Variants in ADAM2 observed in about 807,000 individuals in gnomAD.
The protein encoded by ADAM2 is disintegrin and metalloproteinase domain-containing protein 2.
In ADAM2, 101 loss-of-function variants were observed where a neutral mutation model predicts 99.3. That is an observed-to-expected ratio of 1.02 (90% confidence interval 0.87 to 1.20). ADAM2 has a LOEUF of 1.20. Ranked by LOEUF, ADAM2 falls within the 50% of genes most tolerant of loss-of-function variation. The pLI, the probability that ADAM2 is intolerant of heterozygous loss-of-function variation, is 0.00. For missense variants in ADAM2, 948 were observed against 878.7 expected, an observed-to-expected ratio of 1.08 and a Z score of -1.00; for synonymous variants, 323 against 287.6, an observed-to-expected ratio of 1.12 and a Z score of -1.25.
intron 15 of ADAM2, among the ~76,000 whole-genome samples, chr8:39,760,882 C>CAAAAAAAAAAAAAAAAAAAAAAAAAAA (rs58386097): frequency 1.7e-5 from 1 of 60,182 alleles, no homozygotes; most frequent in Middle Eastern, 0.026. Context: ...GACTCCATCT[C>CAAAAAAAAAAAAAAAAAAAAAAAAAAA]AAAAAAAAAA....
chr8:39,769,955 T>TC (rs1802716306), intron 11 of ADAM2, among the ~76,000 whole-genome samples: 1 of 149,288 alleles, frequency 6.7e-6, no homozygotes, highest in Non-Finnish European at 1.5e-5. Flanking sequence ...TTTTTCTTTT[T>TC]TTTTTTTTTG....
chr8:39,773,570 T>C (rs1802868046), intron 11 of ADAM2, among the ~76,000 whole-genome samples: 1 of 151,448 alleles, frequency 6.6e-6, no homozygotes, highest in South Asian at 2.1e-4. Flanking sequence ...AAAGAGGGCA[T>C]ATCACAAATT....
chr8:39,819,359 A>T (rs1805082800), intron 6 of ADAM2, among the ~76,000 whole-genome samples: 1 of 152,146 alleles, frequency 6.6e-6, no homozygotes, highest in Non-Finnish European at 1.5e-5. Context: ...ATCCAATAAA[A>T]AATATTAAAG....
intron 6 of ADAM2, among the ~76,000 whole-genome samples, chr8:39,813,128 T>C (rs988088844): frequency 3.3e-5 from 5 of 152,174 alleles, no homozygotes; most frequent in Admixed American, 1.3e-4. Flanking sequence ...CAGACACTTC[T>C]CAAAAGAAGA....
intron 3 of ADAM2, among the ~76,000 whole-genome samples, chr8:39,826,153 C>T (rs1805389644): frequency 6.6e-6 from 1 of 152,130 alleles, no homozygotes; most frequent in Non-Finnish European, 1.5e-5. Context: ...CCAAAATGAA[C>T]ACAGCTAGAG....
chr8:39,783,971 A>C (rs1803344836), intron 10 of ADAM2, among the ~76,000 whole-genome samples: 1 of 152,146 alleles, frequency 6.6e-6, no homozygotes, highest in African/African-American at 2.4e-5. Flanking sequence ...AATTAAGTGA[A>C]AAATCATATG....
intron 10 of ADAM2, among the ~76,000 whole-genome samples, chr8:39,781,612 A>G (rs1250500818): frequency 6.6e-6 from 1 of 152,210 alleles, no homozygotes; most frequent in Admixed American, 6.5e-5. Flanking sequence ...ATTCCACAAT[A>G]TGTTTATGAA....
chr8:39,789,555 C>A (rs1414846877), intron 7 of ADAM2, among the ~76,000 whole-genome samples: 1 of 151,724 alleles, frequency 6.6e-6, no homozygotes, highest in Non-Finnish European at 1.5e-5. Context: ...TAACTATAAA[C>A]TACAGTAACC....
chr8:39,787,069 A>G lies in ADAM2; in HGVS notation c.810-14T>C. The G allele has an allele frequency of 6.6e-7, 1 of 1,519,746 alleles. No homozygotes were observed. Among genetic ancestry groups the G allele is most frequent in the Non-Finnish European group, 9.0e-7 (1 of 1,107,160 alleles). The allele number at this position is 1,519,746 out of a possible 1,614,324, so 94.1% of individuals were successfully genotyped here. A position where few individuals can be genotyped will look rare whatever the true frequency, so the allele number is the denominator to read the frequency against. ...TTTTCTCTGTAACTTAAGTTTAAAA[A>G]GGGATCATAATCATATAATTTTGTA... is the stretch of plus-strand genomic sequence containing the variant. On this transcript the variant is annotated splice_polypyrimidine_tract_variant and intron_variant, in intron 9 of 20. Transcript: ENST00000265708.
chr8:39,790,994 C>G (rs976458199), intron 7 of ADAM2, among the ~76,000 whole-genome samples: 1 of 151,514 alleles, frequency 6.6e-6, no homozygotes, highest in African/African-American at 2.4e-5. Context: ...TCCCATGCAT[C>G]TAAACAGTTT....
intron 7 of ADAM2, among the ~76,000 whole-genome samples, chr8:39,796,996 G>T (rs1803988837): frequency 6.6e-6 from 1 of 152,084 alleles, no homozygotes; most frequent in Non-Finnish European, 1.5e-5. Context: ...TACTCCGTAG[G>T]TTGCCTGTTC....
At chr8:39,778,373 T>C (rs1405480283) in intron 10 of ADAM2, among the ~76,000 whole-genome samples, 1 of 152,074 alleles carries the variant, frequency 6.6e-6, no homozygotes, top group African/African-American at 2.4e-5. Context: ...TGATTTTTTC[T>C]AATGGAGAGA....
chr8:39,792,694 C>G (rs1279179002), intron 7 of ADAM2, among the ~76,000 whole-genome samples: 1 of 151,826 alleles, frequency 6.6e-6, no homozygotes, highest in Non-Finnish European at 1.5e-5. Flanking sequence ...AGAAACCATC[C>G]CCAAAGTATT....
At chr8:39,749,233 G>A (rs1287287844) in intron 18 of ADAM2, 79 bp downstream of exon 18, 1 of 1,314,812 alleles carries the variant, frequency 7.6e-7, no homozygotes, top group East Asian at 2.5e-5. Context: ...TAAATTGGTA[G>A]ACAAAATATT....
chr8:39,772,281 T>C (rs1802815428), intron 11 of ADAM2, among the ~76,000 whole-genome samples: 1 of 152,008 alleles, frequency 6.6e-6, no homozygotes, highest in East Asian at 1.9e-4. Context: ...CATGACTTCA[T>C]TGTACAATGT....
intron 15 of ADAM2, among the ~76,000 whole-genome samples, chr8:39,757,416 T>C (rs1204020563): frequency 6.6e-6 from 1 of 152,226 alleles, no homozygotes; most frequent in Non-Finnish European, 1.5e-5. Flanking sequence ...CTTTGTTTAA[T>C]AATTTATGAA....
In ADAM2 at chr8:39,749,311, C is replaced by G. The variant is rs73676913; in HGVS notation, c.2014+1G>C. 7.9e-4 allele frequency: 1,272 copies of G among 1,606,144 alleles called. 9 individuals are homozygous for G. In the African/African-American group the frequency reaches 0.016, roughly 20 times the overall value. ...TTTTCTGATTTATTATTAATACTTA[C>G]CAGGGAGTCTGGCTGGTATAGCTAC... On this transcript the variant is annotated splice_donor_variant, in intron 18 of 20. Transcript: ENST00000265708. LOFTEE classifies it high-confidence loss of function.
At chr8:39,748,049 T>G (rs1823547127) in intron 18 of ADAM2, among the ~76,000 whole-genome samples, 1 of 152,196 alleles carries the variant, frequency 6.6e-6, no homozygotes, top group African/African-American at 2.4e-5. Flanking sequence ...ACACTAGATT[T>G]TGCTCACAAT....
chr8:39,817,182 T>C (rs1425565507), intron 6 of ADAM2, among the ~76,000 whole-genome samples: 1 of 152,062 alleles, frequency 6.6e-6, no homozygotes, highest in Non-Finnish European at 1.5e-5. Context: ...ATAAGGAACA[T>C]ATAAGACAAA....
Sources: allele counts gnomAD v4.1 joint callset (sites outside exome capture counted in the v4.1 genomes callset), GRCh38; gene constraint gnomAD v4.1.1; transcripts MANE v1.5; gene names NCBI Gene and HGNC (gene_info 2026-07-23, HGNC 2026-07-21).